The following INSL6 variants were observed in gnomAD, a reference collection of about 807,000 sequenced individuals.
INSL6 encodes the protein insulin-like peptide INSL6.
A neutral mutation model predicts 9.4 loss-of-function variants in INSL6; 16 were observed. The observed-to-expected ratio is 1.70, with a 90% CI of 1.15 to 2.59. The LOEUF is 2.59. INSL6 is among the 30% of genes most tolerant of loss of function. The probability of loss-of-function intolerance (pLI) is 0.00; values close to 1 mark genes in which losing one functional copy is unlikely to be tolerated. For synonymous variants in INSL6, 154 were observed against 96.9 expected (o/e 1.59, Z -3.46); for missense variants, 391 against 257.3 (o/e 1.52, Z -3.56).
chr9:5,161,002 A>G (rs533837349), downstream of INSL6, among the ~76,000 whole-genome samples: 10 of 152,324 alleles, frequency 6.6e-5, no homozygotes, highest in Admixed American at 5.9e-4. Flanking sequence ...GCTGATTTTA[A>G]CATTTAAAGA....
At chr9:5,129,419 G>A (rs986894273) in intron 3 of INSL6, among the ~76,000 whole-genome samples, 2 of 152,160 alleles carry the variant, frequency 1.3e-5, no homozygotes, top group South Asian at 2.1e-4. Flanking sequence ...CCACTGTATT[G>A]TCTTTAATGA....
the INSL6 span, among the ~76,000 whole-genome samples, chr9:5,032,253 G>T: frequency 6.6e-6 from 1 of 152,248 alleles, no homozygotes; most frequent in African/African-American, 2.4e-5. Flanking sequence ...CAGCCAGGAA[G>T]CTCAAACTGG....
At chr9:5,125,534 TAAGTAA>T (rs202087693) in intron 3 of INSL6, among the ~76,000 whole-genome samples, 1,535 of 151,606 alleles carry the variant, frequency 0.01, 6 homozygotes, top group Middle Eastern at 0.034. Context: ...AATAAAAGTA[TAAGTAA>T]AAGTTATGAA....
the INSL6 span, among the ~76,000 whole-genome samples, chr9:5,040,525 T>G: frequency 6.6e-6 from 1 of 152,208 alleles, no homozygotes; most frequent in Non-Finnish European, 1.5e-5. Context: ...CACCCACAAA[T>G]GGGTTCCACA....
the INSL6 span, among the ~76,000 whole-genome samples, chr9:5,093,109 A>C: frequency 1.3e-5 from 2 of 152,172 alleles, no homozygotes; most frequent in South Asian, 4.1e-4. Flanking sequence ...TAACATGAAA[A>C]TATTCTCCAC....
chr9:5,014,063 G>GT, the INSL6 span, among the ~76,000 whole-genome samples: 1 of 151,506 alleles, frequency 6.6e-6, no homozygotes, highest in Non-Finnish European at 1.5e-5. Context: ...TATGAGTAAA[G>GT]TTTGAAAATA....
the INSL6 span, among the ~76,000 whole-genome samples, chr9:5,012,318 T>C: frequency 1.3e-5 from 2 of 152,198 alleles, no homozygotes; most frequent in African/African-American, 4.8e-5. Context: ...ATCCCCCCGA[T>C]TTGTATCTGC....
the INSL6 span, among the ~76,000 whole-genome samples, chr9:5,038,921 A>G: frequency 1.3e-5 from 2 of 152,274 alleles, no homozygotes; most frequent in East Asian, 3.9e-4. Flanking sequence ...GATCATCCCA[A>G]GAGACACAGA....
At chr9:5,006,751 C>A in the INSL6 span, among the ~76,000 whole-genome samples, 1 of 152,216 alleles carries the variant, frequency 6.6e-6, no homozygotes, top group African/African-American at 2.4e-5. Flanking sequence ...AGTCACCTCT[C>A]ACCAGGCCAC....
the INSL6 span, among the ~76,000 whole-genome samples, chr9:5,033,138 G>C: frequency 1.3e-5 from 2 of 152,198 alleles, no homozygotes; most frequent in African/African-American, 4.8e-5. Flanking sequence ...TAGGAAGAAA[G>C]GGTATCAGAG....
At chr9:5,045,997 C>G in the INSL6 span, among the ~76,000 whole-genome samples, 7 of 152,118 alleles carry the variant, frequency 4.6e-5, no homozygotes, top group African/African-American at 1.7e-4. Context: ...ATTTTTCAGT[C>G]CTACCAGCAG....
At chr9:5,064,862 C>A in the INSL6 span, 2 of 1,497,488 alleles carry the variant, frequency 1.3e-6, no homozygotes, top group African/African-American at 1.4e-5. Context: ...GGTGCTATTT[C>A]TTTTTCTTTT....
chr9:5,036,659 G>A, the INSL6 span, among the ~76,000 whole-genome samples: 3 of 152,084 alleles, frequency 2.0e-5, no homozygotes, highest in Non-Finnish European at 4.4e-5. Context: ...GGCTAGCCAT[G>A]TGTAGAAAGC....
At position 5,185,405 on chromosome 9, in the gene INSL6, T is replaced by C. The variant is rs1306469981; in HGVS notation, c.198A>G (p.Ala66=). 1 of 1,614,176 alleles carries C rather than the reference T, an allele frequency of 6.2e-7. No individual in the cohort carries two copies. Among genetic ancestry groups the C allele is most frequent in the Non-Finnish European group, 8.5e-7 (1 of 1,180,026 alleles). ...EEETPFSRLI[A]QASEKVEAYS... ...AGGCTTCGACCTTCTCCGAGGCCTGTGCAATCAACCGTGAGAAAGGGGTTT... is the reference window on the plus strand; with the variant it reads ...AGGCTTCGACCTTCTCCGAGGCCTGCGCAATCAACCGTGAGAAAGGGGTTT... The change falls in exon 1 of 2, where the codon GCA becomes GCG. Residue 66 remains alanine (A), a synonymous_variant. Transcript: ENST00000381641.
At chr9:5,035,491 A>C in the INSL6 span, among the ~76,000 whole-genome samples, 1 of 152,342 alleles carries the variant, frequency 6.6e-6, no homozygotes, top group African/African-American at 2.4e-5. Flanking sequence ...TCAACAAAAT[A>C]CTGGCAAACC....
downstream of INSL6, chr9:5,122,908 A>G: frequency 1.3e-6 from 1 of 754,908 alleles, no homozygotes; most frequent in Non-Finnish European, 2.1e-6. Context: ...TTTTCTCTAC[A>G]TGTTTTTTTT....
At chr9:5,135,068 G>A (rs201432777) in intron 2 of INSL6, among the ~76,000 whole-genome samples, 3 of 151,972 alleles carry the variant, frequency 2.0e-5, no homozygotes, top group South Asian at 2.1e-4. Context: ...TTAAACCAAC[G>A]AAGATCAAGA....
downstream of INSL6, among the ~76,000 whole-genome samples, chr9:5,159,745 A>G (rs1253934538): frequency 1.3e-5 from 2 of 152,258 alleles, no homozygotes; most frequent in East Asian, 3.8e-4. Flanking sequence ...TCATCCAGAC[A>G]GAAAATCAAC....
the INSL6 span, among the ~76,000 whole-genome samples, chr9:5,075,906 TG>T: frequency 2.0e-5 from 3 of 152,156 alleles, no homozygotes; most frequent in Non-Finnish European, 4.4e-5. Context: ...ATAGCATTCA[TG>T]GTTCATGGAA....
Sources: gnomAD v4.1 joint callset for allele counts (sites outside exome capture counted in the v4.1 genomes callset) on GRCh38, gnomAD v4.1.1 for gene constraint, MANE v1.5 for transcripts, NCBI Gene and HGNC (gene_info 2026-07-23, HGNC 2026-07-21) for gene names.